PATJ: variants seen among roughly 807,000 people sequenced by gnomAD.
PATJ encodes PATJ crumbs cell polarity complex component.
Under a neutral mutation model 224.9 loss-of-function variants are expected in PATJ, and 190 were observed. The observed-to-expected ratio is 0.84, with a 90% CI of 0.75 to 0.95. The LOEUF (loss-of-function observed/expected upper bound fraction) is 0.95. PATJ is among the 40% of genes least tolerant of loss of function. The pLI, the probability that PATJ is intolerant of heterozygous loss-of-function variation, is 0.00. For synonymous variants in PATJ, 769 were observed against 820.3 expected (o/e 0.94, Z 1.07); for missense variants, 2,121 against 2,270.3 (o/e 0.93, Z 1.34).
intron 39 of PATJ, among the ~76,000 whole-genome samples, chr1:62,125,215 T>C (rs1665542524): frequency 8.6e-6 from 1 of 115,672 alleles, no homozygotes; most frequent in South Asian, 2.8e-4. Flanking sequence ...CCAGCCTGGG[T>C]GACAGAGTAA....
chr1:61,802,558 C>T (rs192041908), intron 12 of PATJ, among the ~76,000 whole-genome samples: 24 of 152,162 alleles, frequency 1.6e-4, no homozygotes, highest in African/African-American at 5.3e-4. Flanking sequence ...AGATTATAGG[C>T]GTGAACCACC....
At chr1:61,957,802 C>T (rs1017037279) in intron 27 of PATJ, among the ~76,000 whole-genome samples, 3 of 152,154 alleles carry the variant, frequency 2.0e-5, no homozygotes, top group Admixed American at 1.3e-4. Context: ...AGTTTGCCAA[C>T]CCCTAAGTTA....
intron 12 of PATJ, among the ~76,000 whole-genome samples, chr1:61,802,598 A>G (rs1225003015): frequency 6.6e-6 from 1 of 152,134 alleles, no homozygotes; most frequent in Non-Finnish European, 1.5e-5. Flanking sequence ...TGATATGTCT[A>G]TATCTATAGA....
chr1:61,746,571 C>T (rs1018410079), intron 1 of PATJ, among the ~76,000 whole-genome samples: 19 of 152,238 alleles, frequency 1.2e-4, no homozygotes, highest in East Asian at 7.7e-4. Context: ...AGTTATAAAC[C>T]AGGAATCATG....
chr1:61,914,748 G>A (rs1673205867), intron 26 of PATJ, 84 bp downstream of exon 26: 2 of 777,960 alleles, frequency 2.6e-6, no homozygotes, highest in Non-Finnish European at 4.2e-6. Context: ...TAATAGAAGT[G>A]GCTTTTTGAT....
In PATJ at chr1:62,018,038, G is replaced by A. The variant is rs890099178; in HGVS notation, c.3959+91G>A. On this transcript the variant is annotated intron_variant, in intron 29 of 43. Coordinates refer to ENST00000642238, the MANE Select transcript of PATJ (RefSeq NM_001350145.3). The surrounding 1 kb of genome is among the most constrained non-coding windows in gnomAD (Gnocchi z 4.2). ...CTATGTCATCTTTGATTTGTCTAGC[G>A]AAATCACTGTTCCTTCTAAAAACAT... The A allele has an allele frequency of 1.3e-5, 9 of 693,520 alleles. No homozygotes were observed. Among genetic ancestry groups the A allele is most frequent in the South Asian group, 8.9e-5 (5 of 55,884 alleles). The allele number at this position is 693,520 out of a possible 1,614,324, so 43.0% of individuals were successfully genotyped here. A position where few individuals can be genotyped will look rare whatever the true frequency, so the allele number is the denominator to read the frequency against.
intron 26 of PATJ, among the ~76,000 whole-genome samples, chr1:61,917,179 A>G (rs184878722): frequency 1.6e-4 from 25 of 152,298 alleles, no homozygotes; most frequent in Middle Eastern, 6.8e-3. Flanking sequence ...AGCTGTTACC[A>G]TCTTTGTTCC....
intron 31 of PATJ, among the ~76,000 whole-genome samples, chr1:62,067,969 T>A (rs751815283): frequency 3.3e-5 from 5 of 152,050 alleles, no homozygotes; most frequent in Admixed American, 6.6e-5. Context: ...GCTGGCTAAT[T>A]TTTGTATTTT....
At chr1:61,886,549 G>A (rs1668864722) in intron 22 of PATJ, among the ~76,000 whole-genome samples, 1 of 152,100 alleles carries the variant, frequency 6.6e-6, no homozygotes, top group Non-Finnish European at 1.5e-5. Context: ...GCTGGGCCTG[G>A]TGGCTCATGC....
chr1:61,826,415 T>C (rs535503134), intron 15 of PATJ, among the ~76,000 whole-genome samples: 11 of 49,944 alleles, frequency 2.2e-4, no homozygotes, highest in African/African-American at 5.8e-4. Flanking sequence ...TTAAAACAAA[T>C]AATGCTTGCT....
At chr1:61,980,796 ACTCAG>A (rs1417126400) in intron 27 of PATJ, among the ~76,000 whole-genome samples, 19 of 152,182 alleles carry the variant, frequency 1.2e-4, no homozygotes, top group Admixed American at 1.2e-3. Context: ...GTTTGTGCTG[ACTCAG>A]CCATGCACAG....
At chr1:62,131,119 T>A (rs1666216661) in intron 41 of PATJ, among the ~76,000 whole-genome samples, 1 of 152,220 alleles carries the variant, frequency 6.6e-6, no homozygotes, top group East Asian at 1.9e-4. Context: ...CCTGATTTTC[T>A]ATTGAACACA....
chr1:61,921,333 G>A (rs1571301458), intron 26 of PATJ, among the ~76,000 whole-genome samples: 1 of 152,222 alleles, frequency 6.6e-6, no homozygotes, highest in African/African-American at 2.4e-5. Context: ...TAACTGGATT[G>A]GCCACTGTCT....
At chr1:61,932,839 C>T (rs1168198979) in intron 27 of PATJ, among the ~76,000 whole-genome samples, 2 of 152,154 alleles carry the variant, frequency 1.3e-5, no homozygotes, top group South Asian at 2.1e-4. Flanking sequence ...GCAGAGGTTG[C>T]AGTGAGCCGA....
At chr1:61,884,450 G>GTTTTT (rs1668529267) in intron 22 of PATJ, 42 bp downstream of exon 22, 1 of 688,510 alleles carries the variant, frequency 1.5e-6, no homozygotes, top group African/African-American at 3.2e-5. Flanking sequence ...ATAAAATAGT[G>GTTTTT]GTTTTTTTTT....
intron 1 of PATJ, among the ~76,000 whole-genome samples, chr1:61,749,431 G>A (rs1645201754): frequency 1.3e-5 from 2 of 152,056 alleles, no homozygotes; most frequent in African/African-American, 2.4e-5. Flanking sequence ...AAGCTCATAG[G>A]CTATAGAATT....
At chr1:61,859,706 G>A (rs1214827955) in intron 18 of PATJ, among the ~76,000 whole-genome samples, 3 of 152,004 alleles carry the variant, frequency 2.0e-5, no homozygotes, top group East Asian at 1.9e-4. Context: ...CGCAACCTCC[G>A]CCTCCTGGGT....
chr1:61,867,000 C>T (rs947254065), intron 20 of PATJ, among the ~76,000 whole-genome samples: 2 of 152,138 alleles, frequency 1.3e-5, no homozygotes, highest in African/African-American at 2.4e-5. Flanking sequence ...GCAGTGAGGA[C>T]GACCAGAGGT....
intron 29 of PATJ, among the ~76,000 whole-genome samples, chr1:62,030,111 G>A (rs942588680): frequency 1.6e-4 from 24 of 152,298 alleles, no homozygotes; most frequent in Non-Finnish European, 2.2e-4. Flanking sequence ...GATGGAAACT[G>A]TGGGATTAAA....
Sources: allele counts gnomAD v4.1 joint callset (sites outside exome capture counted in the v4.1 genomes callset), GRCh38; gene constraint gnomAD v4.1.1; non-coding constraint Gnocchi (gnomAD v3.1); transcripts MANE v1.5; gene names NCBI Gene and HGNC (gene_info 2026-07-23, HGNC 2026-07-21).